PSMA1: variants seen among roughly 807,000 people sequenced by gnomAD.
The protein encoded by PSMA1 is proteasome 20S subunit alpha 1.
Under a neutral mutation model 38.4 loss-of-function variants are expected in PSMA1, and 3 were observed. That is an observed-to-expected ratio of 0.08 (90% CI 0.04 to 0.20). The LOEUF is 0.20. Ranked by LOEUF, PSMA1 falls within the 10% of genes least tolerant of loss-of-function variation. PSMA1 has a pLI of 1.00. For missense variants in PSMA1, 227 were observed against 325.3 expected (o/e 0.70, Z 2.32); for synonymous variants, 101 against 107.1 (o/e 0.94, Z 0.35).
At position 14,514,504 on chromosome 11, in the gene PSMA1, C is replaced by T. The variant is rs374080920; in HGVS notation, c.255-13G>A. ...ACGCATAAAATTACTAAAAAAGAAACAAAAAAAGTTTAGTAATTTCAAATT... is the reference window on the plus strand; with the variant it reads ...ACGCATAAAATTACTAAAAAAGAAATAAAAAAAGTTTAGTAATTTCAAATT... On this transcript the variant is annotated splice_polypyrimidine_tract_variant and intron_variant, in intron 4 of 9. Transcript: ENST00000396394. The T allele has an allele frequency of 6.4e-5, 97 of 1,524,552 alleles. No homozygotes were observed. The highest frequency in any genetic ancestry group is 7.0e-5 in the Admixed American group (3 of 42,600). The allele number at this position is 1,524,552 out of a possible 1,614,324, so 94.4% of individuals were successfully genotyped here.
At chr11:14,542,766 T>A (rs1851786479) in intron 2 of PSMA1, among the ~76,000 whole-genome samples, 1 of 152,226 alleles carries the variant, frequency 6.6e-6, no homozygotes, top group Non-Finnish European at 1.5e-5. Flanking sequence ...GATATATAGT[T>A]CCAATTCTAG....
chr11:14,636,472 C>T (rs528605016), intron 1 of PSMA1, among the ~76,000 whole-genome samples: 30 of 152,236 alleles, frequency 2.0e-4, no homozygotes, highest in African/African-American at 6.7e-4. Flanking sequence ...TGTTTGTATT[C>T]CTGAGTTCAA....
chr11:14,534,155 T>C lies in PSMA1; in HGVS notation c.22-15114A>G, dbSNP rs1343053683. Among the ~76,000 whole-genome samples the C allele has an allele frequency of 6.6e-6, 1 of 152,156 alleles. No individual in the cohort carries two copies. The highest frequency in any genetic ancestry group is 1.5e-5 in the Non-Finnish European group (1 of 68,026). On this transcript the variant is annotated intron_variant, in intron 2 of 10. Coordinates refer to the PSMA1 transcript ENST00000418988. This position sits in a 1 kb window ranked among gnomAD's most constrained non-coding sequence, Gnocchi z 4.5. The stretch of plus-strand genomic sequence containing the variant: ...GAAATTGTGCCACTGCACTCCAGAC[T>C]GGGCAACAAGAGCAAAACTCTGCCT...
intron 2 of PSMA1, among the ~76,000 whole-genome samples, chr11:14,602,517 T>A (rs1275912552): frequency 2.0e-5 from 3 of 152,074 alleles, no homozygotes; most frequent in Admixed American, 6.6e-5. Context: ...TGTATATGTA[T>A]ATATATTATT....
chr11:14,514,181 C>G, intron 5 of PSMA1: 1 of 1,334,276 alleles, frequency 7.5e-7, no homozygotes, highest in Non-Finnish European at 9.6e-7. Context: ...AACTTTAAAT[C>G]CCCTCTAAAA....
intron 2 of PSMA1, among the ~76,000 whole-genome samples, chr11:14,551,411 C>T (rs1851882964): frequency 6.6e-6 from 1 of 152,042 alleles, no homozygotes; most frequent in African/African-American, 2.4e-5. Flanking sequence ...ATTTGGTCAG[C>T]AGAATTGGCC....
At chr11:14,566,041 T>G (rs560528613) in intron 2 of PSMA1, among the ~76,000 whole-genome samples, 1 of 152,154 alleles carries the variant, frequency 6.6e-6, no homozygotes, top group Non-Finnish European at 1.5e-5. Flanking sequence ...GGAGCATACC[T>G]GGATATCTGA....
chr11:14,627,244 T>C lies in PSMA1; in HGVS notation c.-165-16093A>G, dbSNP rs553697570. On this transcript the variant is annotated intron_variant, in intron 1 of 10. Coordinates refer to the PSMA1 transcript ENST00000418988. ...AACACAGTTTCATCCATAACACTCATCATTAAGTATGTTCAAATCCATTCC... is the reference window on the plus strand; with the variant it reads ...AACACAGTTTCATCCATAACACTCACCATTAAGTATGTTCAAATCCATTCC... Among the ~76,000 whole-genome samples the C allele has an allele frequency of 3.0e-4, 45 of 152,326 alleles. 1 individual carries two copies. Among genetic ancestry groups the C allele is most frequent in the African/African-American group, 9.6e-4 (40 of 41,562 alleles).
intron 2 of PSMA1, among the ~76,000 whole-genome samples, chr11:14,599,237 A>G (rs1852546531): frequency 6.6e-6 from 1 of 152,080 alleles, no homozygotes; most frequent in Admixed American, 6.5e-5. Flanking sequence ...CTTCTTGAGG[A>G]GTATCTTTAT....
intron 2 of PSMA1, among the ~76,000 whole-genome samples, chr11:14,608,307 T>C (rs969070450): frequency 6.6e-6 from 1 of 151,902 alleles, no homozygotes; most frequent in South Asian, 2.1e-4. Context: ...GCTATGAGCC[T>C]GGGTGCACTT....
At chr11:14,591,691 T>C (rs776601000) in intron 2 of PSMA1, among the ~76,000 whole-genome samples, 2 of 152,134 alleles carry the variant, frequency 1.3e-5, no homozygotes, top group Non-Finnish European at 2.9e-5. Context: ...ACTCTGTATC[T>C]AACTAATCTG....
chr11:14,537,278 C>CCCA (rs1199339754), intron 2 of PSMA1, among the ~76,000 whole-genome samples: 1 of 152,148 alleles, frequency 6.6e-6, no homozygotes. Context: ...CCTCCCTGAC[C>CCCA]CCACCACCCT....
chr11:14,635,662 G>A (rs1853105383), intron 1 of PSMA1, among the ~76,000 whole-genome samples: 1 of 152,122 alleles, frequency 6.6e-6, no homozygotes, highest in Admixed American at 6.5e-5. Flanking sequence ...TGTTGAACAA[G>A]ATCATTTCAA....
At chr11:14,515,707 C>A (rs1851414776) in intron 4 of PSMA1, among the ~76,000 whole-genome samples, 1 of 151,640 alleles carries the variant, frequency 6.6e-6, no homozygotes. Context: ...GTGCCTGCCA[C>A]CACGTTCAGC....
chr11:14,576,762 G>GA, intron 2 of PSMA1, among the ~76,000 whole-genome samples: 1 of 152,184 alleles, frequency 6.6e-6, no homozygotes, highest in Non-Finnish European at 1.5e-5. Flanking sequence ...TGGCAATGCA[G>GA]GCTCTGTTTT....
chr11:14,549,470 G>T (rs1208991786), intron 2 of PSMA1, among the ~76,000 whole-genome samples: 1 of 152,138 alleles, frequency 6.6e-6, no homozygotes, highest in African/African-American at 2.4e-5. Context: ...GGGAGGCCAA[G>T]GCAGGAGGAT....
At chr11:14,567,185 T>C (rs768504334) in intron 2 of PSMA1, among the ~76,000 whole-genome samples, 36 of 152,334 alleles carry the variant, frequency 2.4e-4, no homozygotes, top group Non-Finnish European at 3.8e-4. Context: ...GATCTTCCTG[T>C]TTCAGTCCCA....
At chr11:14,635,174 T>C (rs1175870023) in intron 1 of PSMA1, among the ~76,000 whole-genome samples, 2 of 151,494 alleles carry the variant, frequency 1.3e-5, no homozygotes, top group African/African-American at 2.4e-5. Flanking sequence ...CTCTAAGGAA[T>C]AAAATCAGCC....
chr11:14,602,925 T>A (rs1161144497), intron 2 of PSMA1, among the ~76,000 whole-genome samples: 1 of 152,198 alleles, frequency 6.6e-6, no homozygotes, highest in Non-Finnish European at 1.5e-5. Context: ...TTTCCATGGC[T>A]GTGCGGGGAG....
Sources: allele counts gnomAD v4.1 joint callset (sites outside exome capture counted in the v4.1 genomes callset), GRCh38; gene constraint gnomAD v4.1.1; non-coding constraint Gnocchi (gnomAD v3.1); transcripts MANE v1.5; gene names NCBI Gene and HGNC (gene_info 2026-07-23, HGNC 2026-07-21).